CLMP: variants seen among roughly 807,000 people sequenced by gnomAD.
CLMP encodes CXADR like cell adhesion molecule.
In CLMP, 27 loss-of-function variants were observed where a neutral mutation model predicts 45.2. The observed-to-expected ratio is 0.60, with a 90% CI of 0.44 to 0.82. CLMP has a LOEUF of 0.82. Among genes scored for constraint, CLMP ranks in the 40% least tolerant of loss-of-function variants. The pLI, the probability that CLMP is intolerant of heterozygous loss-of-function variation, is 0.00. For missense variants in CLMP, 403 were observed against 448.4 expected (o/e 0.90, Z 0.91); for synonymous variants, 167 against 171.4 (o/e 0.97, Z 0.20).
At chr11:123,163,151 G>A (rs1861509968) in intron 1 of CLMP, among the ~76,000 whole-genome samples, 1 of 152,004 alleles carries the variant, frequency 6.6e-6, no homozygotes, top group African/African-American at 2.4e-5. Context: ...AAGAGGCAAG[G>A]GAGACAAAGA....
At chr11:123,106,362 A>G (rs1026636857) in intron 1 of CLMP, among the ~76,000 whole-genome samples, 4 of 151,524 alleles carry the variant, frequency 2.6e-5, no homozygotes, top group Non-Finnish European at 4.4e-5. Flanking sequence ...CACCCCAGCT[A>G]CATATATAAT....
rs34074982 is a variant in CLMP, at chr11:123,136,560, A to ATTTT, written c.29-38612_29-38609dup. Reference sequence around the variant, plus strand: ...GAACTTGGGTTATTACTTTTAAGTAATTTTTTTTTTTTTTTTTTTTTTTTT... The same window carrying ATTTT: ...GAACTTGGGTTATTACTTTTAAGTAATTTTTTTTTTTTTTTTTTTTTTTTTTTTT... On this transcript the variant is annotated intron_variant, in intron 1 of 6. Transcript: ENST00000448775. 2.8e-3 allele frequency among the ~76,000 whole-genome samples: 241 copies of ATTTT among 85,870 alleles called. 2 individuals carry two copies. The highest frequency in any genetic ancestry group is 9.7e-3 in the African/African-American group (179 of 18,494). The allele number at this position is 85,870 out of a possible 152,430, so 56.3% of individuals were successfully genotyped here.
At chr11:123,150,585 GGAAGGAAGGAAGGAAGGAAT>G in intron 1 of CLMP, among the ~76,000 whole-genome samples, 1 of 133,508 alleles carries the variant, frequency 7.5e-6, no homozygotes, top group African/African-American at 2.9e-5. Flanking sequence ...AGGAAGGAAA[GGAAGGAAGGAAGGAAGGAAT>G]GAAGGAAGGA....
Position 123,130,827 on chromosome 11 carries a change from G to GT in CLMP, c.29-32876dup, listed in dbSNP as rs1181093490. On this transcript the variant is annotated intron_variant, in intron 1 of 6. Coordinates refer to ENST00000448775, the MANE Select transcript of CLMP (RefSeq NM_024769.5). ...TTGTTTTCCTTCCCCAAATGGAATC[G>GT]TTTTTTTCTTTTCCTTTTTTTTTTT... is the stretch of plus-strand genomic sequence containing the variant. Among the ~76,000 whole-genome samples, 6 of 147,882 alleles carry GT rather than the reference G, an allele frequency of 4.1e-5. No homozygotes were observed. The Middle Eastern group carries it at 0.014, about 350-fold the overall frequency.
intron 5 of CLMP, among the ~76,000 whole-genome samples, chr11:123,075,660 T>A (rs1865730859): frequency 6.6e-6 from 1 of 152,114 alleles, no homozygotes; most frequent in African/African-American, 2.4e-5. Flanking sequence ...GTGCTGGGAT[T>A]ACAGGAGTGA....
chr11:123,151,351 T>A (rs1417488728), intron 1 of CLMP, among the ~76,000 whole-genome samples: 1 of 152,220 alleles, frequency 6.6e-6, no homozygotes, highest in Non-Finnish European at 1.5e-5. Context: ...AGTTTCTGGA[T>A]CTTAGAGAGA....
chr11:123,125,480 C>CCCTCCCTCCTT (rs1400357944), intron 1 of CLMP, among the ~76,000 whole-genome samples: 1 of 107,796 alleles, frequency 9.3e-6, no homozygotes, highest in East Asian at 3.7e-4. Flanking sequence ...CCTCCCTCCT[C>CCCTCCCTCCTT]CCTCCCTCCT....
At chr11:123,140,962 T>G (rs1361887484) in intron 1 of CLMP, among the ~76,000 whole-genome samples, 1 of 151,706 alleles carries the variant, frequency 6.6e-6, no homozygotes, top group East Asian at 1.9e-4. Context: ...AATGTGAGAG[T>G]GAGTTATTGA....
chr11:123,114,424 TTCCCTCCCTCCCTCCC>T (rs1286745418), intron 1 of CLMP, among the ~76,000 whole-genome samples: 2 of 124,906 alleles, frequency 1.6e-5, no homozygotes, highest in East Asian at 4.6e-4. Context: ...TGCATTTTCT[TTCCCTCCCTCCCTCCC>T]TCCCTCCCTC....
intron 1 of CLMP, among the ~76,000 whole-genome samples, chr11:123,130,745 A>C (rs1215509048): frequency 6.6e-6 from 1 of 152,186 alleles, no homozygotes; most frequent in Non-Finnish European, 1.5e-5. Context: ...CACAAATCTA[A>C]AATTCCATTC....
intron 2 of CLMP, among the ~76,000 whole-genome samples, chr11:123,092,310 C>T (rs74693612): frequency 0.38 from 56,557 of 149,132 alleles, 12,659 homozygotes; most frequent in African/African-American, 0.64. Flanking sequence ...ACTTTTTTTT[C>T]TTTTTGAGAC....
chr11:123,074,959 G>GTTTTTTTTT, intron 5 of CLMP, 116 bp from the exon 6 acceptor site: 1 of 944,352 alleles, frequency 1.1e-6, no homozygotes, highest in Non-Finnish European at 1.5e-6. Context: ...TGTTTGTTTT[G>GTTTTTTTTT]TTTTTTTTTT....
At chr11:123,105,357 C>G (rs1464352285) in intron 1 of CLMP, among the ~76,000 whole-genome samples, 2 of 27,712 alleles carry the variant, frequency 7.2e-5, no homozygotes, top group Non-Finnish European at 1.4e-4. Context: ...CTTCCCTTCC[C>G]TCCCTCCCTC....
intron 2 of CLMP, among the ~76,000 whole-genome samples, chr11:123,089,669 C>T (rs1189380867): frequency 3.3e-5 from 5 of 150,124 alleles, no homozygotes; most frequent in African/African-American, 4.9e-5. Flanking sequence ...TCCAGCTACT[C>T]GGGAGGCTGA....
chr11:123,106,414 T>TGCGC (rs1250089469), intron 1 of CLMP, among the ~76,000 whole-genome samples: 5 of 129,016 alleles, frequency 3.9e-5, no homozygotes, highest in African/African-American at 1.6e-4. Context: ...TGTGTGTGTG[T>TGCGC]GTGTGTGTGT....
chr11:123,157,676 C>T (rs182510179), intron 1 of CLMP, among the ~76,000 whole-genome samples: 27 of 146,836 alleles, frequency 1.8e-4, no homozygotes, highest in Non-Finnish European at 3.1e-4. Context: ...TGGCAGTGAG[C>T]CAAGATCTCG....
At chr11:123,164,396 C>A (rs527368590) in intron 1 of CLMP, among the ~76,000 whole-genome samples, 10 of 152,126 alleles carry the variant, frequency 6.6e-5, no homozygotes, top group Admixed American at 5.9e-4. Flanking sequence ...TTCTGCCTCC[C>A]GGGTTCAAGC....
At chr11:123,090,289 CAAA>C (rs762196704) in intron 2 of CLMP, among the ~76,000 whole-genome samples, 2 of 116,308 alleles carry the variant, frequency 1.7e-5, no homozygotes, top group Non-Finnish European at 3.7e-5. Context: ...CACTAAAATA[CAAA>C]AAAAAAAAAA....
At chr11:123,153,622 C>T (rs1344764954) in intron 1 of CLMP, among the ~76,000 whole-genome samples, 1 of 152,208 alleles carries the variant, frequency 6.6e-6, no homozygotes, top group Non-Finnish European at 1.5e-5. Flanking sequence ...TTAACTTACT[C>T]ATAGGCACTA....
Sources: allele counts gnomAD v4.1 joint callset (sites outside exome capture counted in the v4.1 genomes callset), GRCh38; gene constraint gnomAD v4.1.1; transcripts MANE v1.5; gene names NCBI Gene and HGNC (gene_info 2026-07-23, HGNC 2026-07-21).